Variants in MYH11 observed in about 807,000 individuals in gnomAD.
The protein encoded by MYH11 is myosin-11.
In MYH11, 80 loss-of-function variants were observed where a neutral mutation model predicts 246.6. The ratio of observed to expected loss-of-function variants is 0.32; its 90% CI spans 0.27 to 0.39. The LOEUF is 0.39. MYH11 is among the 10% of genes least tolerant of loss of function. The pLI, the probability that MYH11 is intolerant of heterozygous loss-of-function variation, is 1.00. For synonymous variants in MYH11, 1,071 were observed against 1,015.5 expected (o/e 1.05, Z -1.04); for missense variants, 2,158 against 2,546.8 (o/e 0.85, Z 3.29).
chr16:15,782,895 G>A (rs1290877583), intron 5 of MYH11: 1 of 178,816 alleles, frequency 5.6e-6, no homozygotes, highest in Non-Finnish European at 1.2e-5. Context: ...CCTTCTTCAA[G>A]TTAAACCACT....
chr16:15,834,788 G>A (rs1475347697), intron 2 of MYH11, among the ~76,000 whole-genome samples: 2 of 151,992 alleles, frequency 1.3e-5, no homozygotes, highest in South Asian at 2.1e-4. Flanking sequence ...TAATAGTTAC[G>A]GCCAGGCACA....
chr16:15,824,861 C>T (rs1241085952), intron 2 of MYH11, among the ~76,000 whole-genome samples: 1 of 152,186 alleles, frequency 6.6e-6, no homozygotes, highest in East Asian at 1.9e-4. Context: ...TTCACAACTA[C>T]TCAGTAACAG....
At chr16:15,734,112 G>T (rs1283846929) in intron 26 of MYH11, among the ~76,000 whole-genome samples, 1 of 152,138 alleles carries the variant, frequency 6.6e-6, no homozygotes, top group African/African-American at 2.4e-5. Context: ...GTTTGTTATT[G>T]TTTGTTCATT....
At chr16:15,785,174 A>C (rs1256378931) in intron 5 of MYH11, 2 of 157,454 alleles carry the variant, frequency 1.3e-5, no homozygotes, top group Non-Finnish European at 2.8e-5. Flanking sequence ...AATTTCTTAG[A>C]GATCCAGACA....
Position 15,710,534 on chromosome 16 carries a change from AAAG to A in MYH11, c.5786+4372_5786+4374del, listed in dbSNP as rs576836405. Among the ~76,000 whole-genome samples, 926 of 147,134 alleles carry A rather than the reference AAAG, an allele frequency of 6.3e-3. 7 individuals are homozygous for A. Among genetic ancestry groups the A allele is most frequent in the Middle Eastern group, 0.02 (6 of 294 alleles). On this transcript the variant is annotated intron_variant, in intron 40 of 40. Coordinates refer to ENST00000300036, the MANE Select transcript of MYH11 (RefSeq NM_002474.3). ...GACTCCGTCTAAAAATAAATAATAA[AAAG>A]AAAAGAAATCACTGGGCCTGAGAAA...
At position 15,813,602 on chromosome 16, in the gene MYH11, G is replaced by C. The variant is rs111417425; in HGVS notation, c.502+9653C>G. On this transcript the variant is annotated intron_variant, in intron 3 of 40. Coordinates refer to ENST00000300036, the MANE Select transcript of MYH11 (RefSeq NM_002474.3). ...CTTCTTTGTAAAAGAAGGCATGAGA[G>C]AATTCCCATGAGAAGATGGTAGGCT... Among the ~76,000 whole-genome samples, 308 of 152,234 alleles carry C rather than the reference G, an allele frequency of 2.0e-3. 1 individual carries two copies. The highest frequency in any genetic ancestry group is 7.1e-3 in the African/African-American group (294 of 41,542).
At chr16:15,826,886 G>T (rs1416159857) in intron 2 of MYH11, among the ~76,000 whole-genome samples, 1 of 151,264 alleles carries the variant, frequency 6.6e-6, no homozygotes, top group African/African-American at 2.4e-5. Context: ...CCAGCTACTC[G>T]GCAGGCTGAG....
At chr16:15,834,364 A>G (rs142815145) in intron 2 of MYH11, among the ~76,000 whole-genome samples, 1,941 of 152,136 alleles carry the variant, frequency 0.013, 48 homozygotes, top group African/African-American at 0.044. Context: ...CGTCTCTACT[A>G]AAAATACAAA....
intron 2 of MYH11, among the ~76,000 whole-genome samples, chr16:15,829,190 A>G (rs534796672): frequency 6.6e-6 from 1 of 152,134 alleles, no homozygotes; most frequent in South Asian, 2.1e-4. Flanking sequence ...CAAAGAAAAA[A>G]AAAAAAAGAA....
chr16:15,802,131 C>G (rs1055007574), intron 3 of MYH11, among the ~76,000 whole-genome samples: 1 of 152,130 alleles, frequency 6.6e-6, no homozygotes, highest in African/African-American at 2.4e-5. Flanking sequence ...GAAAAAGAGT[C>G]GGTATTGTTC....
Position 15,717,191 on chromosome 16 carries a change from G to A in MYH11, c.5453C>T (p.Ala1818Val), listed in dbSNP as rs771343446. 1.3e-5 allele frequency: 21 copies of A among 1,614,030 alleles called. No individual in the cohort carries two copies. Among genetic ancestry groups the A allele is most frequent in the South Asian group, 4.4e-5 (4 of 91,084 alleles). Residue 1818 changes from alanine to valine, a missense_variant, in exon 38 of 41, where the codon GCG becomes GTG. By Grantham distance (64) the Ala-to-Val change is moderately conservative (BLOSUM62 0). This residue lies in a region of MYH11 where 1,013 missense variants were observed against 993.5 expected (regional missense o/e 1.02). Coordinates refer to ENST00000300036, the MANE Select transcript of MYH11 (RefSeq NM_002474.3). ...CAGCTGTGCAATCTTGGCCTCCAGC[G>A]CCGCGATGGTGGACTTGAACTTGGA... ...VKSKFKSTIAALEAKIAQLEE... is the reference protein window; with the variant it reads ...VKSKFKSTIAVLEAKIAQLEE...
chr16:15,849,466 G>C (rs1168447921), intron 1 of MYH11, among the ~76,000 whole-genome samples: 1 of 151,988 alleles, frequency 6.6e-6, no homozygotes, highest in Non-Finnish European at 1.5e-5. Context: ...TTTTGAGACA[G>C]GGTCTGGCTC....
At chr16:15,837,811 A>C (rs2043939264) in intron 2 of MYH11, 97 bp downstream of exon 2, 1 of 1,140,044 alleles carries the variant, frequency 8.8e-7, no homozygotes, top group South Asian at 1.3e-5. Context: ...CTGGGAGTAC[A>C]GGCATGAGCC....
At chr16:15,813,153 G>A (rs2151341298) in intron 3 of MYH11, among the ~76,000 whole-genome samples, 1 of 152,186 alleles carries the variant, frequency 6.6e-6, no homozygotes, top group East Asian at 1.9e-4. Context: ...GGTGACAGGG[G>A]TGAAACTCTG....
chr16:15,719,886 C>T (rs1221242024), intron 34 of MYH11, among the ~76,000 whole-genome samples, 173 bp from the exon 35 acceptor site: 2 of 152,184 alleles, frequency 1.3e-5, no homozygotes, highest in African/African-American at 4.8e-5. Context: ...GCTGGGAGCA[C>T]CATTCTGGGT....
chr16:15,794,933 T>G (rs2042707899), intron 4 of MYH11, among the ~76,000 whole-genome samples: 1 of 152,204 alleles, frequency 6.6e-6, no homozygotes, highest in Non-Finnish European at 1.5e-5. Context: ...GTAAGGAATC[T>G]GAGTTTTATT....
intron 3 of MYH11, among the ~76,000 whole-genome samples, chr16:15,812,570 A>AAG (rs2043164939): frequency 6.6e-6 from 1 of 150,846 alleles, no homozygotes; most frequent in Admixed American, 6.6e-5. Context: ...AAAAAAAAAA[A>AAG]AAAAAAAAAA....
intron 3 of MYH11, 56 bp from the exon 4 acceptor site, chr16:15,798,743 G>C (rs2042812377): frequency 1.3e-6 from 2 of 1,569,776 alleles, no homozygotes; most frequent in Non-Finnish European, 8.7e-7. Context: ...CTGAGCTAAG[G>C]GTCTGGACTT....
intron 1 of MYH11, among the ~76,000 whole-genome samples, chr16:15,840,506 A>G (rs1401090544): frequency 6.6e-6 from 1 of 152,142 alleles, no homozygotes; most frequent in African/African-American, 2.4e-5. Context: ...CTGAGACAGG[A>G]GGATCCCTTG....
Sources: gnomAD v4.1 joint callset for allele counts (sites outside exome capture counted in the v4.1 genomes callset) on GRCh38, gnomAD v4.1.1 for gene constraint, gnomAD v4.1.1 regional missense constraint, MANE v1.5 for transcripts, NCBI Gene and HGNC (gene_info 2026-07-23, HGNC 2026-07-21) for gene names.